FER1L6: variants seen among roughly 807,000 people sequenced by gnomAD.
FER1L6 encodes fer-1-like protein 6.
A neutral mutation model predicts 219.2 loss-of-function variants in FER1L6; 177 were observed. That is an observed-to-expected ratio of 0.81 (90% CI 0.71 to 0.91). The LOEUF is 0.91. Ranked by LOEUF, FER1L6 falls within the 40% of genes least tolerant of loss-of-function variation. FER1L6 has a pLI of 0.00. For synonymous variants in FER1L6, 768 were observed against 824.3 expected, an observed-to-expected ratio of 0.93 and a Z score of 1.17; for missense variants, 2,153 against 2,259.9, an observed-to-expected ratio of 0.95 and a Z score of 0.96.
At chr8:123,904,580 A>G (rs924078645) in intron 1 of FER1L6, among the ~76,000 whole-genome samples, 4 of 152,190 alleles carry the variant, frequency 2.6e-5, no homozygotes, top group African/African-American at 9.7e-5. Flanking sequence ...ATTTGGGACA[A>G]TAATGACTAT....
chr8:123,884,538 C>T, intron 1 of FER1L6, among the ~76,000 whole-genome samples: 1 of 152,222 alleles, frequency 6.6e-6, no homozygotes, highest in East Asian at 1.9e-4. Context: ...TTCTAGAATT[C>T]TTTCATGGCA....
At chr8:124,098,958 GC>G (rs1349080307) in intron 37 of FER1L6, among the ~76,000 whole-genome samples, 9 of 152,098 alleles carry the variant, frequency 5.9e-5, no homozygotes, top group Non-Finnish European at 8.8e-5. Flanking sequence ...AGTCCTTATT[GC>G]ATTTGTCTGA....
chr8:124,107,068 C>A (rs1250176553), intron 39 of FER1L6, among the ~76,000 whole-genome samples: 1 of 151,610 alleles, frequency 6.6e-6, no homozygotes, highest in African/African-American at 2.4e-5. Flanking sequence ...CCTGTCTCAG[C>A]CTCCCTAGTA....
At chr8:124,108,664 C>G (rs528239023) in intron 39 of FER1L6, among the ~76,000 whole-genome samples, 1 of 152,054 alleles carries the variant, frequency 6.6e-6, no homozygotes, top group African/African-American at 2.4e-5. Context: ...ACATCTTGAG[C>G]CCCAGAATTT....
At chr8:123,859,831 C>G (rs1478461167) in intron 1 of FER1L6, among the ~76,000 whole-genome samples, 2 of 144,984 alleles carry the variant, frequency 1.4e-5, no homozygotes, top group Non-Finnish European at 3.0e-5. Context: ...CGATAGTTTA[C>G]TGAGAATGAT....
At chr8:124,052,733 C>A (rs531865233) in intron 22 of FER1L6, among the ~76,000 whole-genome samples, 1 of 152,026 alleles carries the variant, frequency 6.6e-6, no homozygotes, top group East Asian at 1.9e-4. Flanking sequence ...TGCTGTGAGC[C>A]GAGATCGTGT....
intron 1 of FER1L6, among the ~76,000 whole-genome samples, chr8:123,945,004 C>T (rs1814424904): frequency 6.6e-6 from 1 of 152,208 alleles, no homozygotes; most frequent in South Asian, 2.1e-4. Context: ...GATTTCTCCA[C>T]TTCTGACTTT....
chr8:123,975,113 T>A, intron 7 of FER1L6, 37 bp from the exon 8 acceptor site: 1 of 1,519,130 alleles, frequency 6.6e-7, no homozygotes, highest in Non-Finnish European at 8.9e-7. Context: ...GCTGGGCCCA[T>A]CTGTGAAGGA....
chr8:123,925,019 C>T (rs990407989), intron 1 of FER1L6: 3 of 152,176 alleles, frequency 2.0e-5, no homozygotes, highest in African/African-American at 7.2e-5. Flanking sequence ...ATTCAATTTC[C>T]TAGAAGTGAA....
chr8:124,114,989 G>A (rs117948957), intron 39 of FER1L6, among the ~76,000 whole-genome samples: 2,625 of 147,194 alleles, frequency 0.018, 36 homozygotes, highest in Non-Finnish European at 0.029. Context: ...ATATGAGAAT[G>A]CCTCATGTAA....
At position 124,026,503 on chromosome 8, in the gene FER1L6, A is replaced by G. The variant is rs191500113; in HGVS notation, c.2286+2907A>G. ...CAGTATATAGACGGAGGGGAGGTAT[A>G]GGAGAGAGAGAGATCCAGCAGGTAA... On this transcript the variant is annotated intron_variant, in intron 18 of 40. Transcript: ENST00000522917. Among the ~76,000 whole-genome samples, 11 of 152,268 alleles carry G rather than the reference A, an allele frequency of 7.2e-5. No individual in the cohort carries two copies. In the East Asian group the frequency reaches 1.9e-3, roughly 27 times the overall value.
intron 39 of FER1L6, among the ~76,000 whole-genome samples, chr8:124,114,458 G>A (rs1823149639): frequency 6.6e-6 from 1 of 152,030 alleles, no homozygotes; most frequent in African/African-American, 2.4e-5. Context: ...CGTAGATCCT[G>A]GTTTCTATAC....
chr8:123,904,186 C>G (rs1159044789), intron 1 of FER1L6, among the ~76,000 whole-genome samples: 1 of 149,096 alleles, frequency 6.7e-6, no homozygotes, highest in African/African-American at 2.5e-5. Context: ...TCCTGAGTGA[C>G]AGAAGCATTT....
intron 1 of FER1L6, among the ~76,000 whole-genome samples, chr8:123,891,218 A>G (rs903175477): frequency 2.0e-5 from 3 of 152,222 alleles, no homozygotes; most frequent in African/African-American, 7.2e-5. Context: ...TGAAGATTTT[A>G]GTGACGAAAG....
At chr8:123,966,312 C>T (rs971103237) in intron 5 of FER1L6, 22 bp downstream of exon 5, 2 of 1,613,330 alleles carry the variant, frequency 1.2e-6, no homozygotes, top group African/African-American at 2.7e-5. Context: ...AGGTCACCCA[C>T]AGCTTTTGCA....
intron 1 of FER1L6, among the ~76,000 whole-genome samples, chr8:123,902,401 G>A (rs559018634): frequency 3.3e-5 from 5 of 152,188 alleles, no homozygotes; most frequent in South Asian, 4.1e-4. Flanking sequence ...TGCTGTCATT[G>A]GAGTATTGAA....
intron 22 of FER1L6, among the ~76,000 whole-genome samples, chr8:124,054,960 T>TA (rs968321039): frequency 3.1e-4 from 47 of 152,112 alleles, no homozygotes; most frequent in African/African-American, 1.1e-3. Context: ...GGGAGACTCT[T>TA]AAAGTTACTC....
intron 1 of FER1L6, among the ~76,000 whole-genome samples, chr8:123,871,607 G>T (rs1390584490): frequency 6.6e-6 from 1 of 152,100 alleles, no homozygotes; most frequent in Non-Finnish European, 1.5e-5. Flanking sequence ...AGTCCATCCT[G>T]ATATATAAGT....
At chr8:123,874,035 C>G (rs1034762229) in intron 1 of FER1L6, among the ~76,000 whole-genome samples, 7 of 152,178 alleles carry the variant, frequency 4.6e-5, no homozygotes, top group African/African-American at 1.4e-4. Flanking sequence ...CTCTTTTGCT[C>G]TTATCTCCCT....
Sources: allele counts gnomAD v4.1 joint callset (sites outside exome capture counted in the v4.1 genomes callset), GRCh38; gene constraint gnomAD v4.1.1; transcripts MANE v1.5; gene names NCBI Gene and HGNC (gene_info 2026-07-23, HGNC 2026-07-21).